MAPKAPK5: variants seen among roughly 807,000 people sequenced by gnomAD.
MAPKAPK5 encodes the protein MAP kinase-activated protein kinase 5.
In MAPKAPK5, 30 loss-of-function variants were observed where a neutral mutation model predicts 65.1. The observed-to-expected ratio is 0.46, with a 90% confidence interval of 0.34 to 0.63. The LOEUF (loss-of-function observed/expected upper bound fraction) is 0.63. MAPKAPK5 is among the 20% of genes least tolerant of loss of function. The pLI, the probability that MAPKAPK5 is intolerant of heterozygous loss-of-function variation, is 0.01. For synonymous variants in MAPKAPK5, 179 were observed against 204.6 expected, an observed-to-expected ratio of 0.87 and a Z score of 1.07; for missense variants, 433 against 581.4, an observed-to-expected ratio of 0.74 and a Z score of 2.63.
chr12:111,851,364 T>G (rs1348952854), intron 1 of MAPKAPK5, among the ~76,000 whole-genome samples: 7 of 151,826 alleles, frequency 4.6e-5, no homozygotes, highest in Admixed American at 2.0e-4. Flanking sequence ...CTGGCTCTGT[T>G]GTCCAGGTTG....
intron 1 of MAPKAPK5, among the ~76,000 whole-genome samples, chr12:111,863,373 C>G (rs2069504768): frequency 6.6e-6 from 1 of 152,020 alleles, no homozygotes; most frequent in Admixed American, 6.6e-5. Context: ...GAACCTTTAC[C>G]AAGAATTGGA....
chr12:111,850,374 C>T (rs556316584), intron 1 of MAPKAPK5, among the ~76,000 whole-genome samples: 5 of 152,124 alleles, frequency 3.3e-5, no homozygotes, highest in Non-Finnish European at 5.9e-5. Context: ...TACGTGGGTG[C>T]GAGAGTGCTA....
intron 1 of MAPKAPK5, among the ~76,000 whole-genome samples, chr12:111,853,147 C>G (rs777182753): frequency 6.6e-6 from 1 of 151,906 alleles, no homozygotes; most frequent in Non-Finnish European, 1.5e-5. Context: ...GGGCGGATCA[C>G]GAGGTCAGGG....
chr12:111,873,407 G>A (rs187990618), intron 7 of MAPKAPK5, among the ~76,000 whole-genome samples: 2 of 152,154 alleles, frequency 1.3e-5, no homozygotes, highest in South Asian at 2.1e-4. Flanking sequence ...GCAATGGCGC[G>A]ATCTCGACTC....
intron 13 of MAPKAPK5, among the ~76,000 whole-genome samples, chr12:111,890,505 AAG>A (rs1218571616): frequency 1.3e-5 from 2 of 152,190 alleles, no homozygotes; most frequent in Non-Finnish European, 2.9e-5. Flanking sequence ...GAAGGGGAGA[AAG>A]AGGACAAAGT....
At chr12:111,849,008 C>T (rs2068987883) in intron 1 of MAPKAPK5, among the ~76,000 whole-genome samples, 1 of 152,182 alleles carries the variant, frequency 6.6e-6, no homozygotes, top group African/African-American at 2.4e-5. Context: ...AAGTGATCCG[C>T]CTGCCTTGGC....
Position 111,901,333 on chromosome 12 carries a change from C to G in MAPKAPK5, c.*8272C>G. ...CACTGTAATGAAGGGCATGCCCCCC[C>G]TGACTGTGTTACTGCAGGAAGTGGA... On this transcript the variant is annotated 3_prime_UTR_variant, in exon 14 of 14. Coordinates refer to ENST00000550735, the MANE Select transcript of MAPKAPK5 (RefSeq NM_003668.4). The G allele has an allele frequency of 4.4e-6, 2 of 456,010 alleles. No individual in the cohort carries two copies. The highest frequency in any genetic ancestry group is 1.5e-5 in the South Asian group (1 of 64,564). 28.2% of individuals were successfully genotyped at this position (456,010 alleles called of 1,614,324 possible). A position where few individuals can be genotyped will look rare whatever the true frequency, so the allele number is the denominator to read the frequency against.
intron 3 of MAPKAPK5, 144 bp downstream of exon 3, chr12:111,866,375 A>G: frequency 1.5e-6 from 1 of 659,980 alleles, no homozygotes; most frequent in African/African-American, 1.8e-5. Context: ...CATTCATGCT[A>G]TCTTAGTAAA....
rs1333886480 is a variant in MAPKAPK5, at chr12:111,893,448, G to GTTTA, written c.*391_*394dup. ...GATTCTGGTTTCAATTGCCCTGTGT[G>GTTTA]TTTATTTTCCACACCATTGCTAGAT... On this transcript the variant is annotated 3_prime_UTR_variant, in exon 14 of 14. Transcript: ENST00000550735. 6.5e-6 allele frequency: 1 copy of GTTTA among 153,158 alleles called. No homozygotes were observed. Among genetic ancestry groups the GTTTA allele is most frequent in the African/African-American group, 2.4e-5 (1 of 41,466 alleles). 9.5% of individuals were successfully genotyped at this position (153,158 alleles called of 1,614,324 possible).
chr12:111,868,162 A>G (rs946621088), intron 4 of MAPKAPK5, among the ~76,000 whole-genome samples: 57 of 152,228 alleles, frequency 3.7e-4, no homozygotes, highest in African/African-American at 1.4e-3. Flanking sequence ...TTTAGTTACC[A>G]AATGTTTGGC....
intron 1 of MAPKAPK5, among the ~76,000 whole-genome samples, chr12:111,858,188 A>G (rs1033465720): frequency 3.9e-5 from 6 of 152,068 alleles, no homozygotes; most frequent in Admixed American, 6.6e-5. Context: ...TACAGGCGTG[A>G]GCAACTGCAC....
intron 1 of MAPKAPK5, among the ~76,000 whole-genome samples, chr12:111,861,742 T>C (rs2069444438): frequency 6.6e-6 from 1 of 152,220 alleles, no homozygotes; most frequent in Non-Finnish European, 1.5e-5. Context: ...AAGGGTGATA[T>C]AGGAAATATT....
intron 7 of MAPKAPK5, among the ~76,000 whole-genome samples, chr12:111,875,572 G>T (rs1292945788): frequency 6.6e-6 from 1 of 151,940 alleles, no homozygotes; most frequent in Non-Finnish European, 1.5e-5. Flanking sequence ...ATGGGGGACC[G>T]AGAGGTATCT....
chr12:111,880,242 G>C (rs2070149094), intron 7 of MAPKAPK5: 2 of 565,528 alleles, frequency 3.5e-6, no homozygotes, highest in Non-Finnish European at 6.4e-6. Flanking sequence ...TCATGTCCTT[G>C]ACCTGAGTAT....
At chr12:111,879,734 A>T (rs2070126297) in intron 7 of MAPKAPK5, 1 of 152,554 alleles carries the variant, frequency 6.6e-6, no homozygotes, top group Non-Finnish European at 1.5e-5. Context: ...ATTAGGTGAG[A>T]TAGCTGCAGG....
intron 6 of MAPKAPK5, 105 bp from the exon 7 acceptor site, chr12:111,870,980 G>C: frequency 2.5e-6 from 2 of 792,864 alleles, no homozygotes; most frequent in South Asian, 3.5e-5. Context: ...ATCTCAGCTG[G>C]AAAGAAACTT....
At chr12:111,888,046 T>A (rs1158116602) in intron 10 of MAPKAPK5, 1 of 172,526 alleles carries the variant, frequency 5.8e-6, no homozygotes, top group Non-Finnish European at 1.2e-5. Flanking sequence ...GGTTGTGGCC[T>A]CGGTCATGTG....
At position 111,899,827 on chromosome 12, in the gene MAPKAPK5, A is replaced by G. The variant is rs1197685337; in HGVS notation, c.*6766A>G. On this transcript the variant is annotated 3_prime_UTR_variant, in exon 14 of 14. Coordinates refer to ENST00000550735, the MANE Select transcript of MAPKAPK5 (RefSeq NM_003668.4). ...GCATTGAGCCCATGGACTCTTCAAG[A>G]CGGTTTGAACATGTGTTATACACCA... The G allele has an allele frequency of 2.3e-6, 1 of 437,074 alleles. No homozygotes were observed. Among genetic ancestry groups the G allele is most frequent in the Non-Finnish European group, 4.7e-6 (1 of 212,640 alleles). 27.1% of individuals were successfully genotyped at this position (437,074 alleles called of 1,614,324 possible).
At chr12:111,891,196 C>T (rs2070591897) in intron 13 of MAPKAPK5, among the ~76,000 whole-genome samples, 1 of 150,622 alleles carries the variant, frequency 6.6e-6, no homozygotes, top group African/African-American at 2.4e-5. Context: ...TGGGCTCATG[C>T]GATTCTCCCA....
Sources: gnomAD v4.1 joint callset for allele counts (sites outside exome capture counted in the v4.1 genomes callset) on GRCh38, gnomAD v4.1.1 for gene constraint, MANE v1.5 for transcripts, NCBI Gene and HGNC (gene_info 2026-07-23, HGNC 2026-07-21) for gene names.